KCNMB4: variants seen among roughly 807,000 people sequenced by gnomAD.
KCNMB4 encodes the protein potassium calcium-activated channel subfamily M regulatory beta subunit 4.
In KCNMB4, 3 loss-of-function variants were observed where a neutral mutation model predicts 20.7. The observed-to-expected ratio is 0.14, with a 90% confidence interval of 0.07 to 0.37. The LOEUF (loss-of-function observed/expected upper bound fraction) is 0.37. Ranked by LOEUF, KCNMB4 falls within the 10% of genes least tolerant of loss-of-function variation. KCNMB4 has a pLI of 1.00. For synonymous variants in KCNMB4, 110 were observed against 113.4 expected, an observed-to-expected ratio of 0.97 and a Z score of 0.19; for missense variants, 168 against 265.9, an observed-to-expected ratio of 0.63 and a Z score of 2.56.
rs1869344394 is a variant in KCNMB4, at chr12:70,430,755, C to T, written c.*102C>T. The T allele has an allele frequency of 8.6e-7, 1 of 1,156,538 alleles. No homozygotes were observed. The highest frequency in any genetic ancestry group is 2.8e-5 in the East Asian group (1 of 35,354). The allele number at this position is 1,156,538 out of a possible 1,614,324, so 71.6% of individuals were successfully genotyped here. On this transcript the variant is annotated 3_prime_UTR_variant, in exon 3 of 3. Transcript: ENST00000258111. ...TCCTGGCGCAGGAGATGGACAGGGC[C>T]ACGACAGGGCTCTGAGAGGCTCATC...
intron 2 of KCNMB4, among the ~76,000 whole-genome samples, chr12:70,423,780 C>T (rs549781951): frequency 1.9e-4 from 29 of 152,210 alleles, no homozygotes; most frequent in African/African-American, 6.7e-4. Flanking sequence ...TGGCCACCTC[C>T]CAAGCTTTTA....
chr12:70,403,692 G>C (rs776843780), intron 2 of KCNMB4, among the ~76,000 whole-genome samples: 3 of 152,166 alleles, frequency 2.0e-5, no homozygotes, highest in Admixed American at 6.5e-5. Flanking sequence ...GGTTGAAACC[G>C]GGCATTAGCA....
chr12:70,396,662 A>T (rs925239016), intron 1 of KCNMB4, among the ~76,000 whole-genome samples: 3 of 152,222 alleles, frequency 2.0e-5, no homozygotes, highest in Non-Finnish European at 4.4e-5. Context: ...AAATGGAAGT[A>T]ATTATAATAT....
chr12:70,419,717 G>T (rs535304716), intron 2 of KCNMB4, among the ~76,000 whole-genome samples: 9 of 152,082 alleles, frequency 5.9e-5, no homozygotes, highest in Non-Finnish European at 8.8e-5. Context: ...GAATCTTTGG[G>T]CACATTTGAT....
At position 70,421,227 on chromosome 12, in the gene KCNMB4, C is replaced by T. The variant is rs1353821546; in HGVS notation, c.465-9258C>T. 3.9e-5 allele frequency among the ~76,000 whole-genome samples: 6 copies of T among 152,042 alleles called. No homozygotes were observed. The East Asian group carries it at 7.8e-4, about 20-fold the overall frequency. ...TGCTTCCCAGCTGAGTATGGTCGCT[C>T]ATATCTGTAATCCCAGTGCTTTGGG... is the stretch of plus-strand genomic sequence containing the variant. On this transcript the variant is annotated intron_variant, in intron 2 of 2. Transcript: ENST00000258111.
chr12:70,382,895 A>C (rs549985611), intron 1 of KCNMB4, among the ~76,000 whole-genome samples: 18 of 152,364 alleles, frequency 1.2e-4, no homozygotes, highest in Non-Finnish European at 2.6e-4. Context: ...TGAACATCAT[A>C]GAGTGTACTT....
intron 2 of KCNMB4, among the ~76,000 whole-genome samples, chr12:70,403,230 G>T (rs1868505636): frequency 7.0e-6 from 1 of 143,374 alleles, no homozygotes; most frequent in African/African-American, 2.5e-5. Flanking sequence ...TTCAGGAAAT[G>T]TTTCTGAGTC....
At chr12:70,389,842 CTTAAT>C (rs1868285730) in intron 1 of KCNMB4, among the ~76,000 whole-genome samples, 1 of 152,108 alleles carries the variant, frequency 6.6e-6, no homozygotes, top group Admixed American at 6.5e-5. Flanking sequence ...CTTCCTCTTT[CTTAAT>C]TTATTTCTTT....
At chr12:70,409,307 C>G (rs1593341182) in intron 2 of KCNMB4, among the ~76,000 whole-genome samples, 2 of 152,212 alleles carry the variant, frequency 1.3e-5, no homozygotes, top group African/African-American at 4.8e-5. Context: ...AAGGCATCCT[C>G]AACTAGTCTG....
In KCNMB4 at chr12:70,388,726, A is replaced by T. The variant is rs1868276812; in HGVS notation, c.337-11483A>T. On this transcript the variant is annotated intron_variant, in intron 1 of 2. Coordinates refer to ENST00000258111, the MANE Select transcript of KCNMB4 (RefSeq NM_014505.6). ...TGTGCCTCAGTTCCCTCACCTGTAAAATGAGAATTATAATAGAGCCTGTCT... is the reference window on the plus strand; with the variant it reads ...TGTGCCTCAGTTCCCTCACCTGTAATATGAGAATTATAATAGAGCCTGTCT... Among the ~76,000 whole-genome samples the T allele has an allele frequency of 1.3e-5, 2 of 152,126 alleles. 1 individual carries two copies. Among genetic ancestry groups the T allele is most frequent in the South Asian group, 4.1e-4 (2 of 4,824 alleles).
chr12:70,370,315 G>GTTTTT (rs754863346), intron 1 of KCNMB4, among the ~76,000 whole-genome samples: 1 of 126,064 alleles, frequency 7.9e-6, no homozygotes. Flanking sequence ...TTGTTTTTTT[G>GTTTTT]TTTTTTTTTT....
At chr12:70,422,535 A>G (rs934079698) in intron 2 of KCNMB4, among the ~76,000 whole-genome samples, 27 of 152,366 alleles carry the variant, frequency 1.8e-4, no homozygotes, top group African/African-American at 6.0e-4. Context: ...ATCTTAGAGA[A>G]TATCTAACTA....
chr12:70,406,568 T>C (rs1868607515), intron 2 of KCNMB4, among the ~76,000 whole-genome samples: 1 of 152,204 alleles, frequency 6.6e-6, no homozygotes, highest in South Asian at 2.1e-4. Flanking sequence ...AACCCACTGC[T>C]GTGTGAATCA....
chr12:70,398,554 A>G (rs1868379184), intron 1 of KCNMB4, among the ~76,000 whole-genome samples: 1 of 152,226 alleles, frequency 6.6e-6, no homozygotes, highest in South Asian at 2.1e-4. Context: ...TCAATCATTA[A>G]AATAACATTT....
intron 1 of KCNMB4, among the ~76,000 whole-genome samples, chr12:70,388,198 G>A (rs1034783555): frequency 1.3e-5 from 2 of 151,966 alleles, no homozygotes; most frequent in Non-Finnish European, 2.9e-5. Context: ...TTGTATATAT[G>A]TACCCCATTT....
At chr12:70,380,263 C>T (rs1200041056) in intron 1 of KCNMB4, among the ~76,000 whole-genome samples, 3 of 152,168 alleles carry the variant, frequency 2.0e-5, no homozygotes, top group Admixed American at 1.3e-4. Context: ...ACTTAGAACA[C>T]TCACACATTC....
chr12:70,383,533 A>G (rs1315852071), intron 1 of KCNMB4, among the ~76,000 whole-genome samples: 2 of 152,202 alleles, frequency 1.3e-5, no homozygotes, highest in Admixed American at 1.3e-4. Context: ...GAGGTTGCTT[A>G]ACTCAACAGA....
chr12:70,422,311 C>T (rs868789804), intron 2 of KCNMB4, among the ~76,000 whole-genome samples: 2 of 152,294 alleles, frequency 1.3e-5, no homozygotes, highest in African/African-American at 2.4e-5. Context: ...CTCTGAAGAA[C>T]AGCAATTCTT....
intron 2 of KCNMB4, 130 bp from the exon 3 acceptor site, chr12:70,430,355 T>G: frequency 2.1e-6 from 2 of 942,588 alleles, no homozygotes; most frequent in Non-Finnish European, 3.3e-6. Flanking sequence ...AATACAGTGT[T>G]TATAGTCAGA....
Sources: gnomAD v4.1 joint callset for allele counts (sites outside exome capture counted in the v4.1 genomes callset) on GRCh38, gnomAD v4.1.1 for gene constraint, MANE v1.5 for transcripts, NCBI Gene and HGNC (gene_info 2026-07-23, HGNC 2026-07-21) for gene names.